Variants in HPSE2 observed in about 807,000 individuals in gnomAD.
HPSE2 encodes heparanase 2 (inactive).
In HPSE2, 38 loss-of-function variants were observed where a neutral mutation model predicts 60.5. That is an observed-to-expected ratio of 0.63 (90% CI 0.48 to 0.82). The LOEUF (loss-of-function observed/expected upper bound fraction) is 0.82. Ranked by LOEUF, HPSE2 falls within the 40% of genes least tolerant of loss-of-function variation. The pLI, the probability that HPSE2 is intolerant of heterozygous loss-of-function variation, is 0.00. For missense variants in HPSE2, 713 were observed against 740.4 expected (o/e 0.96, Z 0.43); for synonymous variants, 295 against 293.2 (o/e 1.01, Z -0.06).
chr10:98,512,842 C>CACACACACACACACACACACACACAG (rs1388340168), intron 9 of HPSE2, among the ~76,000 whole-genome samples: 3 of 151,554 alleles, frequency 2.0e-5, no homozygotes, highest in Non-Finnish European at 4.4e-5. Flanking sequence ...CACACACACA[C>CACACACACACACACACACACACACAG]AGGCACACTT....
chr10:99,100,206 G>A (rs2135635667), intron 3 of HPSE2, among the ~76,000 whole-genome samples: 1 of 152,272 alleles, frequency 6.6e-6, no homozygotes, highest in South Asian at 2.1e-4. Flanking sequence ...GCTAAAGAAG[G>A]AAGTTCGAAT....
At chr10:98,588,921 C>T (rs1945011915) in intron 9 of HPSE2, among the ~76,000 whole-genome samples, 1 of 152,018 alleles carries the variant, frequency 6.6e-6, no homozygotes, top group Non-Finnish European at 1.5e-5. Context: ...GAAAAATTAC[C>T]AGAAAGAAAA....
chr10:99,204,965 G>A (rs1211970949), intron 2 of HPSE2, among the ~76,000 whole-genome samples: 1 of 152,112 alleles, frequency 6.6e-6, no homozygotes. Flanking sequence ...TAGAGCTGAG[G>A]CCATTATCCT....
At chr10:99,271,746 T>C in the HPSE2 span, among the ~76,000 whole-genome samples, 2 of 151,972 alleles carry the variant, frequency 1.3e-5, no homozygotes, top group East Asian at 1.9e-4. Flanking sequence ...CTTCAAACTA[T>C]ACAATAAGGC....
At chr10:98,709,011 A>G (rs1400186054) in intron 5 of HPSE2, among the ~76,000 whole-genome samples, 1 of 152,212 alleles carries the variant, frequency 6.6e-6, no homozygotes, top group East Asian at 1.9e-4. Flanking sequence ...TCTTATATGC[A>G]GAAATCTATA....
chr10:98,729,631 T>C (rs1413414907), intron 4 of HPSE2, among the ~76,000 whole-genome samples: 1 of 151,482 alleles, frequency 6.6e-6, no homozygotes, highest in Non-Finnish European at 1.5e-5. Context: ...AATAAATAAA[T>C]TAATTTAAAA....
intron 6 of HPSE2, among the ~76,000 whole-genome samples, chr10:98,693,049 G>A (rs1389474729): frequency 6.6e-6 from 1 of 152,222 alleles, no homozygotes; most frequent in Non-Finnish European, 1.5e-5. Flanking sequence ...GACAGAAGGA[G>A]TACATACGCT....
At chr10:98,763,279 A>G (rs1212490767) in intron 3 of HPSE2, among the ~76,000 whole-genome samples, 2 of 152,098 alleles carry the variant, frequency 1.3e-5, no homozygotes, top group East Asian at 3.8e-4. Context: ...AAAACATTTA[A>G]AGAAACAGTA....
intron 9 of HPSE2, among the ~76,000 whole-genome samples, chr10:98,531,461 T>A (rs1426844172): frequency 6.6e-6 from 1 of 152,170 alleles, no homozygotes; most frequent in Non-Finnish European, 1.5e-5. Flanking sequence ...CTTCCAGCCA[T>A]CCACACTGGT....
chr10:98,984,037 G>A (rs1365752004), intron 3 of HPSE2, among the ~76,000 whole-genome samples: 1 of 152,200 alleles, frequency 6.6e-6, no homozygotes, highest in Non-Finnish European at 1.5e-5. Context: ...AAGGAGGCCT[G>A]CCTGCCTCTG....
intron 3 of HPSE2, among the ~76,000 whole-genome samples, chr10:98,872,592 G>A (rs1206711816): frequency 6.6e-6 from 1 of 152,072 alleles, no homozygotes; most frequent in Non-Finnish European, 1.5e-5. Context: ...TGATATGCTA[G>A]TTATACTTTT....
intron 3 of HPSE2, chr10:99,013,103 T>A: frequency 3.1e-6 from 2 of 647,266 alleles, no homozygotes; most frequent in South Asian, 2.8e-5. Context: ...GTAGAGATAA[T>A]CTAATCTTAA....
At chr10:98,793,314 A>G (rs1950699769) in intron 3 of HPSE2, among the ~76,000 whole-genome samples, 1 of 152,238 alleles carries the variant, frequency 6.6e-6, no homozygotes, top group Non-Finnish European at 1.5e-5. Flanking sequence ...TTTTGGGGTC[A>G]TAGGCACTTT....
intron 2 of HPSE2, among the ~76,000 whole-genome samples, chr10:99,207,833 G>C (rs1848811469): frequency 6.6e-6 from 1 of 151,048 alleles, no homozygotes; most frequent in South Asian, 2.1e-4. Context: ...AAGGGATACA[G>C]TTCAAGATCC....
chr10:98,724,427 A>G lies in HPSE2; in HGVS notation c.785-2599T>C, dbSNP rs540755436. On this transcript the variant is annotated intron_variant, in intron 4 of 11. Transcript: ENST00000370552. ...GAATAGGTGTGGTGTGGTGCTGAAA[A>G]GAATGTATATTCTGTTGATTTGGGG... Among the ~76,000 whole-genome samples the G allele has an allele frequency of 7.0e-4, 106 of 152,294 alleles. 1 individual carries two copies. Among genetic ancestry groups the G allele is most frequent in the African/African-American group, 2.4e-3 (101 of 41,580 alleles).
intron 3 of HPSE2, among the ~76,000 whole-genome samples, chr10:98,910,416 T>C (rs1048647713): frequency 2.0e-5 from 3 of 152,190 alleles, no homozygotes; most frequent in Non-Finnish European, 2.9e-5. Context: ...AAAGGGCACA[T>C]AGGGAACTTA....
At chr10:98,939,418 G>A (rs1954918362) in intron 3 of HPSE2, among the ~76,000 whole-genome samples, 3 of 143,236 alleles carry the variant, frequency 2.1e-5, no homozygotes, top group African/African-American at 8.6e-5. Context: ...ACAAAAAAAG[G>A]CAGGGGTTGC....
intron 9 of HPSE2, among the ~76,000 whole-genome samples, chr10:98,580,836 A>ATATGTG: frequency 1.7e-5 from 2 of 119,558 alleles, no homozygotes; most frequent in African/African-American, 7.2e-5. Flanking sequence ...ATATATATAT[A>ATATGTG]TGTGTGTGTG....
chr10:99,075,578 T>G (rs1269201443), intron 3 of HPSE2, among the ~76,000 whole-genome samples: 3 of 152,152 alleles, frequency 2.0e-5, no homozygotes, highest in Non-Finnish European at 2.9e-5. Flanking sequence ...GCTGTTTCCT[T>G]ATTGATTTCT....
Sources: allele counts gnomAD v4.1 joint callset (sites outside exome capture counted in the v4.1 genomes callset), GRCh38; gene constraint gnomAD v4.1.1; transcripts MANE v1.5; gene names NCBI Gene and HGNC (gene_info 2026-07-23, HGNC 2026-07-21).